The following USP47 variants were observed in gnomAD, a reference collection of about 807,000 sequenced individuals.
USP47 encodes the protein ubiquitin carboxyl-terminal hydrolase 47.
A neutral mutation model predicts 165.1 loss-of-function variants in USP47; 35 were observed. The observed-to-expected ratio is 0.21, with a 90% CI of 0.16 to 0.28. The LOEUF (loss-of-function observed/expected upper bound fraction) is 0.28. USP47 is among the 10% of genes least tolerant of loss of function. The probability of loss-of-function intolerance (pLI) is 1.00; values close to 1 mark genes in which losing one functional copy is unlikely to be tolerated. For synonymous variants in USP47, 531 were observed against 544.5 expected (o/e 0.98, Z 0.35); for missense variants, 1,277 against 1,607.4 (o/e 0.79, Z 3.52).
intron 14 of USP47, among the ~76,000 whole-genome samples, chr11:11,931,800 G>T (rs934058500): frequency 6.6e-6 from 1 of 152,058 alleles, no homozygotes; most frequent in Non-Finnish European, 1.5e-5. Flanking sequence ...TTATTAAATG[G>T]TGTCATAATT....
At chr11:11,842,326 C>T (rs1299818803) in intron 1 of USP47, 102 bp downstream of exon 1, 2 of 1,362,486 alleles carry the variant, frequency 1.5e-6, no homozygotes, top group Non-Finnish European at 1.0e-6. Context: ...GGTGCAGGCT[C>T]GGCTGTGGGG....
chr11:11,895,664 T>C (rs1000123376), intron 4 of USP47, among the ~76,000 whole-genome samples: 1 of 152,126 alleles, frequency 6.6e-6, no homozygotes, highest in East Asian at 1.9e-4. Context: ...AGATGGTGGG[T>C]TGGGGAGAAA....
At chr11:11,947,828 G>A in intron 20 of USP47, 117 bp from the exon 21 acceptor site, 1 of 1,041,516 alleles carries the variant, frequency 9.6e-7, no homozygotes, top group East Asian at 2.7e-5. Context: ...AAGTCTAACT[G>A]AAAAGGGGTA....
chr11:11,875,195 A>C (rs993104031), intron 1 of USP47, among the ~76,000 whole-genome samples: 17 of 152,106 alleles, frequency 1.1e-4, no homozygotes, highest in African/African-American at 3.9e-4. Context: ...ATTTTAAAAT[A>C]CTTTATCTTA....
intron 4 of USP47, among the ~76,000 whole-genome samples, chr11:11,892,954 C>T (rs1851636549): frequency 6.6e-6 from 1 of 151,916 alleles, no homozygotes; most frequent in South Asian, 2.1e-4. Context: ...TTTTACAGTA[C>T]TTCCATTTTG....
rs764509081 is a variant in USP47 at position 11,948,046 on chromosome 11, G to A, written c.3193G>A (p.Val1065Met). 4 of 1,613,806 alleles carry A rather than the reference G, an allele frequency of 2.5e-6. No homozygotes were observed. The highest frequency in any genetic ancestry group is 3.4e-6 in the Non-Finnish European group (4 of 1,179,876). ...GTCCTCTCACTTCAAGGTCTTTCGA[G>A]TGTATGCCAGCAATCAAGAGTTTGA... ...VLSSHFKVFR[V>M]YASNQEFESV... Residue 1065 changes from valine (V) to methionine (M), a missense_variant, in exon 21 of 28, where the codon GTG becomes ATG. Around this residue, in one of 4 missense-constraint regions of USP47, gnomAD observed 909 missense variants for 1,068.1 expected, o/e 0.85. Coordinates refer to ENST00000527733, the MANE Select transcript of USP47 (RefSeq NM_001282659.2).
At chr11:11,877,381 T>G (rs1850502846) in intron 1 of USP47, among the ~76,000 whole-genome samples, 2 of 152,178 alleles carry the variant, frequency 1.3e-5, no homozygotes, top group Non-Finnish European at 2.9e-5. Context: ...TAAAGTAGAA[T>G]TTAGCAGTGG....
At chr11:11,903,366 G>A (rs1852349678) in intron 7 of USP47, 24 bp downstream of exon 7, 6 of 1,594,610 alleles carry the variant, frequency 3.8e-6, no homozygotes, top group Non-Finnish European at 5.1e-6. Flanking sequence ...CTCAAATCAA[G>A]GGGACTGTTT....
intron 8 of USP47, among the ~76,000 whole-genome samples, chr11:11,914,733 C>T (rs1407103240): frequency 1.3e-5 from 2 of 152,020 alleles, no homozygotes; most frequent in Non-Finnish European, 2.9e-5. Flanking sequence ...AGAGGATATA[C>T]AAATGTCAAA....
chr11:11,923,543 C>A (rs752864000), intron 11 of USP47, among the ~76,000 whole-genome samples: 1 of 151,864 alleles, frequency 6.6e-6, no homozygotes. Context: ...GTTTTTTAGA[C>A]CATTTTTTTC....
At chr11:11,909,038 C>T in intron 8 of USP47, among the ~76,000 whole-genome samples, 1 of 152,024 alleles carries the variant, frequency 6.6e-6, no homozygotes, top group East Asian at 1.9e-4. Context: ...CATTTTCTTT[C>T]TCTGTGGGAC....
chr11:11,868,478 C>G (rs957427603), intron 1 of USP47, among the ~76,000 whole-genome samples: 14 of 151,986 alleles, frequency 9.2e-5, no homozygotes, highest in African/African-American at 3.1e-4. Flanking sequence ...TAGTTGGTTC[C>G]TATTTATTGC....
chr11:11,894,128 T>G (rs1202131527), intron 4 of USP47, among the ~76,000 whole-genome samples: 1 of 152,164 alleles, frequency 6.6e-6, no homozygotes, highest in Non-Finnish European at 1.5e-5. Flanking sequence ...CAGATTTTAA[T>G]TTCTTTAAAA....
intron 3 of USP47, among the ~76,000 whole-genome samples, chr11:11,886,315 T>A (rs569889970): frequency 6.6e-6 from 1 of 152,154 alleles, no homozygotes. Flanking sequence ...TAAAGGAGCA[T>A]GTTGTAACCT....
chr11:11,917,447 A>G (rs1179420887), intron 8 of USP47, among the ~76,000 whole-genome samples: 1 of 152,136 alleles, frequency 6.6e-6, no homozygotes, highest in African/African-American at 2.4e-5. Context: ...ATTAAGGCCT[A>G]AATACAAGGG....
rs539119708 is a variant in USP47 at position 11,873,163 on chromosome 11, C to T, written c.40-7014C>T. Among the ~76,000 whole-genome samples the T allele has an allele frequency of 8.0e-4, 122 of 152,030 alleles. 1 individual carries two copies. Among genetic ancestry groups the T allele is most frequent in the African/African-American group, 2.8e-3 (116 of 41,488 alleles). ...TATATTTCTATTGTAAAAGTAAAAGCGCCTTTCAAGAGAATATGTTGATTT... is the reference window on the plus strand; with the variant it reads ...TATATTTCTATTGTAAAAGTAAAAGTGCCTTTCAAGAGAATATGTTGATTT... On this transcript the variant is annotated intron_variant, in intron 1 of 27. Coordinates refer to ENST00000527733, the MANE Select transcript of USP47 (RefSeq NM_001282659.2).
Position 11,906,858 on chromosome 11 carries a change from CCTAA to C in USP47, c.969+1315_969+1318del, listed in dbSNP as rs372865535. 2.7e-4 allele frequency among the ~76,000 whole-genome samples: 41 copies of C among 152,120 alleles called. No individual in the cohort carries two copies. The East Asian group carries it at 4.3e-3, about 16-fold the overall frequency. ...ACATTTGTCTTTCAATGACTGATTT[CCTAA>C]CTAATTTTTAAATACTCGCATTTCT... is the stretch of plus-strand genomic sequence containing the variant. On this transcript the variant is annotated intron_variant, in intron 8 of 27. Coordinates refer to ENST00000527733, the MANE Select transcript of USP47 (RefSeq NM_001282659.2).
chr11:11,912,242 A>C (rs1853050833), intron 8 of USP47, among the ~76,000 whole-genome samples: 1 of 152,008 alleles, frequency 6.6e-6, no homozygotes, highest in Non-Finnish European at 1.5e-5. Flanking sequence ...AGTAACATTG[A>C]ACATGAGAAA....
At chr11:11,902,684 T>C (rs1453361749) in intron 5 of USP47, 31 bp from the exon 6 acceptor site, 1 of 1,364,798 alleles carries the variant, frequency 7.3e-7, no homozygotes, top group African/African-American at 1.5e-5. Flanking sequence ...AATCATTTTA[T>C]AAATACTTTA....
Sources: gnomAD v4.1 joint callset for allele counts (sites outside exome capture counted in the v4.1 genomes callset) on GRCh38, gnomAD v4.1.1 for gene constraint, gnomAD v4.1.1 regional missense constraint, MANE v1.5 for transcripts, NCBI Gene and HGNC (gene_info 2026-07-23, HGNC 2026-07-21) for gene names.